RELT: variants seen among roughly 807,000 people sequenced by gnomAD.
RELT encodes tumor necrosis factor receptor superfamily member 19L.
In RELT, 37 loss-of-function variants were observed where a neutral mutation model predicts 51.1. That is an observed-to-expected ratio of 0.72 (90% confidence interval 0.56 to 0.95). The LOEUF (loss-of-function observed/expected upper bound fraction) is 0.95, where lower values mean the gene tolerates loss of function less well. Ranked by LOEUF, RELT falls within the 40% of genes least tolerant of loss-of-function variation. The pLI, the probability that RELT is intolerant of heterozygous loss-of-function variation, is 0.00. For synonymous variants in RELT, 241 were observed against 235.7 expected (o/e 1.02, Z -0.21); for missense variants, 535 against 572.6 (o/e 0.93, Z 0.67).
intron 1 of RELT, among the ~76,000 whole-genome samples, chr11:73,384,983 G>A (rs1427357427): frequency 1.3e-5 from 2 of 152,092 alleles, no homozygotes; most frequent in East Asian, 1.9e-4. Flanking sequence ...GTGTGAGGGT[G>A]GAAAGCACTC....
rs563069107 is a variant in RELT at position 73,385,404 on chromosome 11, G to A, written c.-25-3708G>A. Among the ~76,000 whole-genome samples, 4 of 152,184 alleles carry A rather than the reference G, an allele frequency of 2.6e-5. No individual in the cohort carries two copies. The East Asian group carries it at 7.7e-4, about 29-fold the overall frequency. On this transcript the variant is annotated intron_variant, in intron 1 of 10. Transcript: ENST00000064780. ...GTGGTCTGGGGCCCTCAGCTTGGGG[G>A]TCTGGCCGTGGCCTTTGCTAGTTGG...
At chr11:73,390,673 C>A in intron 3 of RELT, 48 bp downstream of exon 3, 1 of 1,611,406 alleles carries the variant, frequency 6.2e-7, no homozygotes, top group Non-Finnish European at 8.5e-7. Flanking sequence ...GCCCTGAGGG[C>A]CAGGGGCAGA....
At position 73,394,253 on chromosome 11, in the gene RELT, G is replaced by C. The variant is rs770468930; in HGVS notation, c.724G>C (p.Glu242Gln). The change falls in exon 8 of 11, where the codon GAG becomes CAG. Residue 242 changes from glutamate (E) to glutamine (Q), a missense_variant. Transcript: ENST00000064780. This position sits in a 1 kb window ranked among gnomAD's most constrained non-coding sequence, Gnocchi z 4.9. ...ACCCACAGAGAATGCTGCGGCCCTG[G>C]AGGAGCTGCTGAAAGAGTACCACAG... Reference protein sequence around the residue: ...TEKKENAAALEELLKEYHSKQ... With the variant: ...TEKKENAAALQELLKEYHSKQ... 6.2e-7 allele frequency: 1 copy of C among 1,609,640 alleles called. No homozygotes were observed. The highest frequency in any genetic ancestry group is 1.1e-5 in the South Asian group (1 of 90,522).
At position 73,395,375 on chromosome 11, in the gene RELT, A is replaced by G. The variant is rs377744159; in HGVS notation, c.1246-69A>G. On this transcript the variant is annotated intron_variant, in intron 10 of 10. Transcript: ENST00000064780. ...GGTGGAAGTGCAGCGGGCCCTAGGC[A>G]GGGGCCACTTTCCTGGAGCCAGAAG... 49 of 1,440,964 alleles carry G rather than the reference A, an allele frequency of 3.4e-5. 2 individuals are homozygous for G. Among genetic ancestry groups the G allele is most frequent in the African/African-American group, 2.9e-4 (21 of 71,610 alleles). 89.3% of individuals were successfully genotyped at this position (1,440,964 alleles called of 1,614,324 possible).
intron 1 of RELT, among the ~76,000 whole-genome samples, chr11:73,383,671 C>T (rs1232636974): frequency 6.6e-6 from 1 of 152,242 alleles, no homozygotes; most frequent in African/African-American, 2.4e-5. Flanking sequence ...CCTGCTTCAT[C>T]TCTTACTGGC....
In RELT at chr11:73,388,140, C is replaced by T. The variant is rs577253502; in HGVS notation, c.-25-972C>T. Reference sequence around the variant, plus strand: ...TCAGTCTCAGACCGGTGGGCCGTGACGCCACCATGGATATTTCTCTGAAGT... The same window carrying T: ...TCAGTCTCAGACCGGTGGGCCGTGATGCCACCATGGATATTTCTCTGAAGT... On this transcript the variant is annotated intron_variant, in intron 1 of 10. Transcript: ENST00000064780. The surrounding 1 kb of genome is among the most constrained non-coding windows in gnomAD (Gnocchi z 4.1). Among the ~76,000 whole-genome samples the T allele has an allele frequency of 2.0e-5, 3 of 152,194 alleles. No homozygotes were observed. The highest frequency in any genetic ancestry group is 4.8e-5 in the African/African-American group (2 of 41,446).
chr11:73,386,168 C>T (rs1866120054), intron 1 of RELT, among the ~76,000 whole-genome samples: 1 of 152,166 alleles, frequency 6.6e-6, no homozygotes, highest in Non-Finnish European at 1.5e-5. Flanking sequence ...AGACTGGGCC[C>T]CAGGCTAGGA....
rs1226532207 is a variant in RELT at position 73,376,544 on chromosome 11, G to C, written c.-26+45G>C. 4.5e-4 allele frequency: 68 copies of C among 151,950 alleles called. 1 individual carries two copies. The highest frequency in any genetic ancestry group is 3.2e-4 in the Non-Finnish European group (22 of 67,954). 9.4% of individuals were successfully genotyped at this position (151,950 alleles called of 1,614,324 possible). A position where few individuals can be genotyped will look rare whatever the true frequency, so the allele number is the denominator to read the frequency against. ...CGCCCATCCAGAGTCTGCTCTCCGC[G>C]GCCGGGCCAGCGGGATACGGACCCT... On this transcript the variant is annotated intron_variant, in intron 1 of 10. Transcript: ENST00000064780.
chr11:73,391,167 C>G lies in RELT; in HGVS notation c.311C>G (p.Pro104Arg). 3 of 1,613,900 alleles carry G rather than the reference C, an allele frequency of 1.9e-6. No individual in the cohort carries two copies. The highest frequency in any genetic ancestry group is 2.5e-6 in the Non-Finnish European group (3 of 1,179,928). ...WPGWFGPWGVPRVPCQPCSWA... is the reference protein window; with the variant it reads ...WPGWFGPWGVRRVPCQPCSWA... ...AGGTGGTTTGGGCCTTGGGGGGTTC[C>G]CCGCGTTCCATGTCAACCATGTTCC... Residue 104 changes from proline to arginine, a missense_variant, in exon 5 of 11, where the codon CCC (proline) becomes CGC (arginine). Transcript: ENST00000064780.
intron 1 of RELT, chr11:73,384,236 T>G (rs1005555046): frequency 6.6e-6 from 1 of 152,346 alleles, no homozygotes; most frequent in Non-Finnish European, 1.5e-5. Flanking sequence ...TAGGGGGAAG[T>G]GCAGGCTTTT....
intron 1 of RELT, among the ~76,000 whole-genome samples, chr11:73,386,086 G>A (rs1370814517): frequency 1.3e-5 from 2 of 152,240 alleles, no homozygotes; most frequent in East Asian, 1.9e-4. Flanking sequence ...CAAGATGAAC[G>A]TCCCCATCTC....
Position 73,394,342 on chromosome 11 carries a change from G to C in RELT, c.788+25G>C. On this transcript the variant is annotated intron_variant, in intron 8 of 10. Transcript: ENST00000064780. This position sits in a 1 kb window ranked among gnomAD's most constrained non-coding sequence, Gnocchi z 4.9. ...AGTGAGTGGGCTGGTGGGAGATAAC[G>C]GGGCCAAAACCTACATTAACCAGCC... The C allele has an allele frequency of 6.2e-7, 1 of 1,612,328 alleles. No individual in the cohort carries two copies.
intron 6 of RELT, 137 bp downstream of exon 6, chr11:73,392,605 C>T: frequency 7.1e-7 from 1 of 1,408,560 alleles, no homozygotes; most frequent in Admixed American, 2.2e-5. Flanking sequence ...TAGCTGCAGA[C>T]TGACAACATG....
intron 1 of RELT, among the ~76,000 whole-genome samples, chr11:73,378,033 C>T (rs947755872): frequency 1.3e-5 from 2 of 152,244 alleles, no homozygotes; most frequent in Non-Finnish European, 2.9e-5. Flanking sequence ...TAGACATTCA[C>T]TTCTCTGCCT....
At chr11:73,389,977 C>G (rs570411174) in intron 2 of RELT, among the ~76,000 whole-genome samples, 1 of 152,296 alleles carries the variant, frequency 6.6e-6, no homozygotes. Flanking sequence ...GAAGATGGAG[C>G]TTTCTTTTGG....
intron 2 of RELT, among the ~76,000 whole-genome samples, 184 bp downstream of exon 2, chr11:73,389,365 G>A (rs1315931994): frequency 6.6e-6 from 1 of 152,250 alleles, no homozygotes; most frequent in African/African-American, 2.4e-5. Context: ...GGCTTGTCAG[G>A]GAGATGGAGA....
intron 1 of RELT, among the ~76,000 whole-genome samples, chr11:73,378,250 A>G (rs1437107766): frequency 6.6e-6 from 1 of 151,336 alleles, no homozygotes; most frequent in Non-Finnish European, 1.5e-5. Context: ...TGAGCTCCCT[A>G]GTCTAGGAGA....
intron 1 of RELT, among the ~76,000 whole-genome samples, chr11:73,382,339 G>A (rs958072407): frequency 6.6e-6 from 1 of 152,244 alleles, no homozygotes; most frequent in Non-Finnish European, 1.5e-5. Context: ...TCCAGGTCAG[G>A]GTGATTGGGG....
rs1866205334 is a variant in RELT, at chr11:73,391,010, GC to G, written c.287+91del. On this transcript the variant is annotated intron_variant, in intron 4 of 10. Transcript: ENST00000064780. Reference sequence around the variant, plus strand: ...CCCAGCCTTATTGTACCCTGAGCAGGCCTCATTCTTCCCATCTGTGAAATGG... The same window carrying G: ...CCCAGCCTTATTGTACCCTGAGCAGGCTCATTCTTCCCATCTGTGAAATGG... 65 of 1,546,926 alleles carry G rather than the reference GC, an allele frequency of 4.2e-5. 1 individual carries two copies. The South Asian group carries it at 7.4e-4, about 18-fold the overall frequency.
Sources: allele counts gnomAD v4.1 joint callset (sites outside exome capture counted in the v4.1 genomes callset), GRCh38; gene constraint gnomAD v4.1.1; non-coding constraint Gnocchi (gnomAD v3.1); transcripts MANE v1.5; gene names NCBI Gene and HGNC (gene_info 2026-07-23, HGNC 2026-07-21).